The following TP53BP2 variants were observed in gnomAD, a reference collection of about 807,000 sequenced individuals.
The protein encoded by TP53BP2 is tumor protein p53 binding protein 2, also known as apoptosis-stimulating of p53 protein 2.
In TP53BP2, 62 loss-of-function variants were observed where a neutral mutation model predicts 126.2. The ratio of observed to expected loss-of-function variants is 0.49; its 90% CI spans 0.40 to 0.61. The LOEUF (loss-of-function observed/expected upper bound fraction) is 0.61. Among genes scored for constraint, TP53BP2 ranks in the 20% least tolerant of loss-of-function variants. The pLI, the probability that TP53BP2 is intolerant of heterozygous loss-of-function variation, is 0.00. For missense variants in TP53BP2, 1,215 were observed against 1,402.8 expected, an observed-to-expected ratio of 0.87 and a Z score of 2.14; for synonymous variants, 485 against 502.9, an observed-to-expected ratio of 0.96 and a Z score of 0.48.
At chr1:223,828,235 C>T (rs1041705845) in intron 1 of TP53BP2, among the ~76,000 whole-genome samples, 8 of 152,132 alleles carry the variant, frequency 5.3e-5, no homozygotes, top group Non-Finnish European at 8.8e-5. Context: ...TTCAGTTACA[C>T]ATGTTTTGTT....
At position 223,780,837 on chromosome 1, in the gene TP53BP2, A is replaced by G; in HGVS notation, c.*16T>C. 2 of 1,612,578 alleles carry G rather than the reference A, an allele frequency of 1.2e-6. No homozygotes were observed. The highest frequency in any genetic ancestry group is 1.7e-5 in the Admixed American group (1 of 59,710). Reference sequence around the variant, plus strand: ...AGAGATTAATTCTTCATTGACTAAAATTCTGTGTGGAAGTTTCAGGCCAAG... The same window carrying G: ...AGAGATTAATTCTTCATTGACTAAAGTTCTGTGTGGAAGTTTCAGGCCAAG... On this transcript the variant is annotated 3_prime_UTR_variant, in exon 18 of 18. Coordinates refer to ENST00000343537, the MANE Select transcript of TP53BP2 (RefSeq NM_001031685.3).
intron 2 of TP53BP2, among the ~76,000 whole-genome samples, chr1:223,815,625 C>G (rs988820978): frequency 2.0e-5 from 3 of 152,200 alleles, no homozygotes; most frequent in African/African-American, 7.2e-5. Context: ...CCCGATGGCC[C>G]TGTGATGGCA....
chr1:223,806,911 G>T lies in TP53BP2; in HGVS notation c.409C>A (p.Leu137Ile), dbSNP rs139027261. 1 of 1,614,002 alleles carries T rather than the reference G, an allele frequency of 6.2e-7. No homozygotes were observed. Among genetic ancestry groups the T allele is most frequent in the African/African-American group, 1.3e-5 (1 of 75,006 alleles). ...TGCTGGCGAGATGCCATTTCCTGAA[G>T]TTCAGCAAGAGTCAGATCCATCCTA... ...SPRMDLTLAE[L>I]QEMASRQQQQ... The change falls in exon 5 of 18, where the codon CTT (leucine) becomes ATT (isoleucine). Residue 137 changes from leucine to isoleucine, a missense_variant. Physicochemically the swap from Leu to Ile is conservative, Grantham distance 5. This residue lies in a region of TP53BP2 where 814 missense variants were observed against 853.0 expected (regional missense o/e 0.95). Transcript: ENST00000343537.
chr1:223,787,209 G>A (rs573111775), intron 16 of TP53BP2, among the ~76,000 whole-genome samples: 40 of 152,048 alleles, frequency 2.6e-4, no homozygotes, highest in African/African-American at 8.9e-4. Flanking sequence ...ACATTATACC[G>A]GTTAACACAT....
At chr1:223,836,667 C>T (rs1016825445) in intron 1 of TP53BP2, among the ~76,000 whole-genome samples, 1 of 152,060 alleles carries the variant, frequency 6.6e-6, no homozygotes, top group Non-Finnish European at 1.5e-5. Context: ...GTTAAATGGC[C>T]TGATGGGGCA....
chr1:223,812,891 T>A (rs1662959879), intron 3 of TP53BP2, among the ~76,000 whole-genome samples: 1 of 151,734 alleles, frequency 6.6e-6, no homozygotes, highest in Non-Finnish European at 1.5e-5. Flanking sequence ...AGAGACAGAG[T>A]TTCGTCATGT....
At chr1:223,821,155 C>T (rs1249870870) in intron 2 of TP53BP2, 65 bp downstream of exon 2, 18 of 1,600,496 alleles carry the variant, frequency 1.1e-5, no homozygotes, top group Admixed American at 6.7e-5. Context: ...CACAGTGCCA[C>T]GTCTACAAAC....
intron 1 of TP53BP2, among the ~76,000 whole-genome samples, chr1:223,834,162 T>C (rs1029946704): frequency 2.0e-5 from 3 of 152,170 alleles, no homozygotes; most frequent in African/African-American, 7.2e-5. Flanking sequence ...CAGGGCCTTG[T>C]AGGTCAAGAA....
intron 1 of TP53BP2, among the ~76,000 whole-genome samples, chr1:223,840,372 G>A (rs1312615826): frequency 6.6e-6 from 1 of 152,150 alleles, no homozygotes; most frequent in Non-Finnish European, 1.5e-5. Flanking sequence ...GTTCTGTTCA[G>A]TACCTAGCAC....
chr1:223,802,551 A>G, intron 8 of TP53BP2, 180 bp downstream of exon 8: 1 of 868,776 alleles, frequency 1.2e-6, no homozygotes, highest in Non-Finnish European at 1.7e-6. Context: ...ACAGAGCTAC[A>G]CAGGTAATAA....
At chr1:223,834,530 C>T (rs1048496141) in intron 1 of TP53BP2, among the ~76,000 whole-genome samples, 9 of 152,050 alleles carry the variant, frequency 5.9e-5, no homozygotes, top group Non-Finnish European at 1.2e-4. Flanking sequence ...ACAACAATAG[C>T]AATACATTAT....
In TP53BP2 at chr1:223,845,239, T is replaced by C. The variant is rs184910488; in HGVS notation, c.27+415A>G. On this transcript the variant is annotated intron_variant, in intron 1 of 17. Transcript: ENST00000343537. Reference sequence around the variant, plus strand: ...ATTAAAAACAAAGCAAAGGTACCCGTTCCAGTAACGTATGTTTCACTCCAG... The same window carrying C: ...ATTAAAAACAAAGCAAAGGTACCCGCTCCAGTAACGTATGTTTCACTCCAG... 256 of 985,198 alleles carry C rather than the reference T, an allele frequency of 2.6e-4. 2 individuals carry two copies. In the African/African-American group the frequency reaches 4.3e-3, roughly 17 times the overall value. 61.0% of individuals were successfully genotyped at this position (985,198 alleles called of 1,614,324 possible). A position where few individuals can be genotyped will look rare whatever the true frequency, so the allele number is the denominator to read the frequency against.
At chr1:223,781,678 T>G (rs1261276250) in intron 17 of TP53BP2, among the ~76,000 whole-genome samples, 1 of 152,080 alleles carries the variant, frequency 6.6e-6, no homozygotes, top group Non-Finnish European at 1.5e-5. Flanking sequence ...GACTTCCAGT[T>G]AAAACTGAAA....
chr1:223,793,666 G>A (rs1475418711), intron 13 of TP53BP2, among the ~76,000 whole-genome samples: 1 of 152,168 alleles, frequency 6.6e-6, no homozygotes, highest in African/African-American at 2.4e-5. Flanking sequence ...CAAAGTTGGA[G>A]GAACATAACT....
chr1:223,828,308 A>C (rs1663572350), intron 1 of TP53BP2, among the ~76,000 whole-genome samples: 1 of 152,218 alleles, frequency 6.6e-6, no homozygotes, highest in Admixed American at 6.5e-5. Flanking sequence ...AAAAAGCCTG[A>C]AACTATATTC....
chr1:223,794,765 C>T (rs1158615387), intron 13 of TP53BP2, among the ~76,000 whole-genome samples: 1 of 152,132 alleles, frequency 6.6e-6, no homozygotes, highest in Non-Finnish European at 1.5e-5. Flanking sequence ...AAACTGTTAA[C>T]CTCTATTTTA....
rs1348744294 is a variant in TP53BP2, at chr1:223,821,580, T to TTGG, written c.28-216_28-214dup. Reference sequence around the variant, plus strand: ...CCATGGGGCAGTAGCTCTAGAACCCTTGGTGACCCTAGAATACAGTCACAT... The same window carrying TTGG: ...CCATGGGGCAGTAGCTCTAGAACCCTTGGTGGTGACCCTAGAATACAGTCACAT... On this transcript the variant is annotated intron_variant, in intron 1 of 17. Transcript: ENST00000343537. 1.7e-5 allele frequency: 12 copies of TTGG among 720,900 alleles called. No homozygotes were observed. In the African/African-American group the frequency reaches 2.1e-4, roughly 12 times the overall value. The allele number at this position is 720,900 out of a possible 1,614,324, so 44.7% of individuals were successfully genotyped here.
At chr1:223,806,412 G>C (rs770350799) in intron 5 of TP53BP2, among the ~76,000 whole-genome samples, 11 of 152,142 alleles carry the variant, frequency 7.2e-5, no homozygotes, top group Admixed American at 4.6e-4. Context: ...CCAAACAGCA[G>C]GTGGCTTTTG....
chr1:223,825,596 T>C (rs956676630), intron 1 of TP53BP2, among the ~76,000 whole-genome samples: 6 of 152,230 alleles, frequency 3.9e-5, no homozygotes, highest in African/African-American at 1.4e-4. Context: ...TGTCCACTCA[T>C]ATCTTCAGCT....
Sources: allele counts gnomAD v4.1 joint callset (sites outside exome capture counted in the v4.1 genomes callset), GRCh38; gene constraint gnomAD v4.1.1; regional missense constraint gnomAD v4.1.1; transcripts MANE v1.5; gene names NCBI Gene and HGNC (gene_info 2026-07-23, HGNC 2026-07-21).